LAMC1: variants seen among roughly 807,000 people sequenced by gnomAD.
LAMC1 encodes laminin subunit gamma-1.
A neutral mutation model predicts 173.6 loss-of-function variants in LAMC1; 38 were observed. The ratio of observed to expected loss-of-function variants is 0.22; its 90% CI spans 0.17 to 0.29. The LOEUF is 0.29. Ranked by LOEUF, LAMC1 falls within the 10% of genes least tolerant of loss-of-function variation. The pLI, the probability that LAMC1 is intolerant of heterozygous loss-of-function variation, is 1.00. For missense variants in LAMC1, 1,824 were observed against 2,051.8 expected, an observed-to-expected ratio of 0.89 and a Z score of 2.14; for synonymous variants, 746 against 749.1, an observed-to-expected ratio of 1.00 and a Z score of 0.07.
intron 1 of LAMC1, among the ~76,000 whole-genome samples, chr1:183,032,191 G>A (rs573744067): frequency 6.6e-6 from 1 of 152,274 alleles, no homozygotes; most frequent in African/African-American, 2.4e-5. Context: ...GGCCCAGTCA[G>A]CCTGGTACAG....
rs141267651 is a variant in LAMC1, at chr1:183,043,281, G to A, written c.418+19147G>A. The stretch of plus-strand genomic sequence containing the variant: ...TATCTGCAGTAAAATGTATTCGTAC[G>A]AAACAGACTGATGAAAGGCTATCAT... On this transcript the variant is annotated intron_variant, in intron 1 of 27. Transcript: ENST00000258341. Among the ~76,000 whole-genome samples, 719 of 152,190 alleles carry A rather than the reference G, an allele frequency of 4.7e-3. 8 individuals carry two copies. The highest frequency in any genetic ancestry group is 0.016 in the African/African-American group (648 of 41,530).
At chr1:183,031,436 C>T (rs1653847540) in intron 1 of LAMC1, among the ~76,000 whole-genome samples, 1 of 152,132 alleles carries the variant, frequency 6.6e-6, no homozygotes, top group African/African-American at 2.4e-5. Flanking sequence ...TCCCGAGTAG[C>T]TGGGATTACA....
At chr1:183,094,748 T>C (rs1311116227) in intron 1 of LAMC1, among the ~76,000 whole-genome samples, 11 of 152,238 alleles carry the variant, frequency 7.2e-5, no homozygotes, top group Admixed American at 7.2e-4. Flanking sequence ...TAAGGACAGA[T>C]GTAAACAGTA....
At chr1:183,095,997 G>A (rs904605648) in intron 1 of LAMC1, among the ~76,000 whole-genome samples, 2 of 152,122 alleles carry the variant, frequency 1.3e-5, no homozygotes, top group African/African-American at 4.8e-5. Flanking sequence ...TGCATATAAT[G>A]GCTGTTTTAT....
chr1:183,023,543 A>C lies in LAMC1; in HGVS notation c.-174A>C. ...GTCGGCGAGCAGCGCGGTCCTCGCTAGGGGCGCCCACCCGTCAGTCTCTCC... is the reference window on the plus strand; with the variant it reads ...GTCGGCGAGCAGCGCGGTCCTCGCTCGGGGCGCCCACCCGTCAGTCTCTCC... On this transcript the variant is annotated 5_prime_UTR_variant, in exon 1 of 28. Coordinates refer to ENST00000258341, the MANE Select transcript of LAMC1 (RefSeq NM_002293.4). 1 of 306,886 alleles carries C rather than the reference A, an allele frequency of 3.3e-6. No individual in the cohort carries two copies. The highest frequency in any genetic ancestry group is 5.4e-6 in the Non-Finnish European group (1 of 185,758). The allele number at this position is 306,886 out of a possible 1,614,324, so 19.0% of individuals were successfully genotyped here. A position where few individuals can be genotyped will look rare whatever the true frequency, so the allele number is the denominator to read the frequency against.
intron 1 of LAMC1, among the ~76,000 whole-genome samples, chr1:183,094,213 A>G (rs1379050084): frequency 6.6e-6 from 1 of 151,976 alleles, no homozygotes; most frequent in African/African-American, 2.4e-5. Context: ...AGGGTATTGC[A>G]CTTGCCATTC....
At chr1:183,024,270 GA>G in intron 1 of LAMC1, 136 bp downstream of exon 1, 2 of 813,422 alleles carry the variant, frequency 2.5e-6, no homozygotes, top group Non-Finnish European at 3.8e-6. Flanking sequence ...GGGCCACACA[GA>G]AACTCCTTTC....
chr1:183,108,268 C>T lies in LAMC1; in HGVS notation c.724-8C>T, dbSNP rs12062196. ...CTCTTTTATGTTTCTATTTTTGCTT[C>T]CTGACAGGAATGGGTAACTGCCACT... On this transcript the variant is annotated splice_polypyrimidine_tract_variant and splice_region_variant and intron_variant, in intron 2 of 27. Coordinates refer to ENST00000258341, the MANE Select transcript of LAMC1 (RefSeq NM_002293.4). 1.9e-5 allele frequency: 31 copies of T among 1,611,490 alleles called. No homozygotes were observed. In the African/African-American group the frequency reaches 4.1e-4, roughly 22 times the overall value.
At chr1:183,085,191 C>T (rs1323832788) in intron 1 of LAMC1, among the ~76,000 whole-genome samples, 1 of 149,950 alleles carries the variant, frequency 6.7e-6, no homozygotes, top group Non-Finnish European at 1.5e-5. Flanking sequence ...GCCCTCCAGC[C>T]TGGGCAACAG....
At position 183,121,861 on chromosome 1, in the gene LAMC1, G is replaced by C; in HGVS notation, c.2129G>C (p.Arg710Thr). ...FCEMCLSGYR[R>T]ETPNLGPYSP... is the part of the protein sequence containing the mutation. The stretch of plus-strand genomic sequence containing the variant: ...GAGATGTGCCTCTCAGGTTACAGAA[G>C]AGAAACTCCTAATCTTGGACCATAC... The change falls in exon 12 of 28, where the codon AGA (arginine) becomes ACA (threonine). Residue 710 changes from arginine (R) to threonine (T), a missense_variant. By Grantham distance (71) the Arg-to-Thr change is moderately conservative. Coordinates refer to ENST00000258341, the MANE Select transcript of LAMC1 (RefSeq NM_002293.4). The C allele has an allele frequency of 6.2e-7, 1 of 1,614,196 alleles. No individual in the cohort carries two copies. The highest frequency in any genetic ancestry group is 8.5e-7 in the Non-Finnish European group (1 of 1,180,030).
intron 1 of LAMC1, among the ~76,000 whole-genome samples, chr1:183,067,638 G>A (rs563167872): frequency 2.6e-5 from 4 of 151,282 alleles, no homozygotes; most frequent in Admixed American, 6.7e-5. Context: ...ACAAGCGCAC[G>A]CCACCACATC....
At chr1:183,117,507 T>C in intron 9 of LAMC1, 27 bp from the exon 10 acceptor site, 1 of 1,612,404 alleles carries the variant, frequency 6.2e-7, no homozygotes, top group Non-Finnish European at 8.5e-7. Context: ...TCTCACATTC[T>C]TGCCCACCAT....
At chr1:183,101,823 T>C (rs1292515527) in intron 1 of LAMC1, among the ~76,000 whole-genome samples, 1 of 152,196 alleles carries the variant, frequency 6.6e-6, no homozygotes, top group Non-Finnish European at 1.5e-5. Context: ...TGTGCAAGTA[T>C]GTTTCATGTA....
Position 183,137,773 on chromosome 1 carries a change from A to G in LAMC1, c.4419A>G (p.Lys1473=), listed in dbSNP as rs1656987923. Residue 1473 remains lysine, a synonymous_variant, in exon 26 of 28, where the codon AAA becomes AAG. Transcript: ENST00000258341. The part of the protein sequence containing the change: ...NMLKQLQEAE[K]ELKRKQDDAD... ...TGAAGCAACTGCAGGAAGCAGAAAA[A>G]GAGCTAAAGAGAAAACAAGATGACG... is the stretch of plus-strand genomic sequence containing the variant. The G allele has an allele frequency of 9.3e-6, 15 of 1,611,586 alleles. No homozygotes were observed. The highest frequency in any genetic ancestry group is 1.3e-5 in the African/African-American group (1 of 74,844).
At chr1:183,055,491 T>G (rs1654564905) in intron 1 of LAMC1, among the ~76,000 whole-genome samples, 1 of 151,850 alleles carries the variant, frequency 6.6e-6, no homozygotes, top group Non-Finnish European at 1.5e-5. Flanking sequence ...AAAACCTACT[T>G]TATAGGATTG....
At chr1:183,129,311 A>G (rs565555617) in intron 18 of LAMC1, among the ~76,000 whole-genome samples, 4 of 152,042 alleles carry the variant, frequency 2.6e-5, no homozygotes, top group African/African-American at 7.2e-5. Context: ...GATGGTCTCG[A>G]TCTCCTGACC....
At chr1:183,107,798 C>A (rs1571444509) in intron 2 of LAMC1, among the ~76,000 whole-genome samples, 1 of 152,128 alleles carries the variant, frequency 6.6e-6, no homozygotes, top group South Asian at 2.1e-4. Context: ...CCACTGCACT[C>A]CAGCCAGGGC....
intron 1 of LAMC1, among the ~76,000 whole-genome samples, chr1:183,068,590 A>G (rs548623757): frequency 8.1e-4 from 124 of 152,312 alleles, no homozygotes; most frequent in African/African-American, 2.9e-3. Context: ...CTAATTGCAT[A>G]TCCAGCACTC....
intron 1 of LAMC1, among the ~76,000 whole-genome samples, chr1:183,102,828 G>A (rs1379158950): frequency 6.6e-6 from 1 of 151,988 alleles, no homozygotes; most frequent in African/African-American, 2.4e-5. Flanking sequence ...TCTTAACTTG[G>A]TAGATAAGTA....
Sources: allele counts gnomAD v4.1 joint callset (sites outside exome capture counted in the v4.1 genomes callset), GRCh38; gene constraint gnomAD v4.1.1; transcripts MANE v1.5; gene names NCBI Gene and HGNC (gene_info 2026-07-23, HGNC 2026-07-21).